The following ANKFN1 variants were observed in gnomAD, a reference collection of about 807,000 sequenced individuals.
ANKFN1 encodes ankyrin repeat and fibronectin type III domain containing 1.
ANKFN1 carries 74 observed loss-of-function variants against 108.7 expected under a neutral mutation model. The observed-to-expected ratio is 0.68, with a 90% CI of 0.56 to 0.83. The LOEUF is 0.83. Among genes scored for constraint, ANKFN1 ranks in the 40% least tolerant of loss-of-function variants. The pLI is 0.00. For missense variants in ANKFN1, 1,505 were observed against 1,382.3 expected (o/e 1.09, Z -1.41); for synonymous variants, 547 against 516.2 (o/e 1.06, Z -0.81).
chr17:56,260,547 C>T (rs890410642), intron 3 of ANKFN1, among the ~76,000 whole-genome samples: 1 of 152,040 alleles, frequency 6.6e-6, no homozygotes, highest in Non-Finnish European at 1.5e-5. Flanking sequence ...TCATCCCAAC[C>T]AGCATTTTTG....
intron 4 of ANKFN1, among the ~76,000 whole-genome samples, chr17:56,327,963 A>G (rs1296633111): frequency 6.6e-6 from 1 of 152,196 alleles, no homozygotes; most frequent in Non-Finnish European, 1.5e-5. Flanking sequence ...CCCTCATCTA[A>G]GGGATCCAGA....
intron 8 of ANKFN1, among the ~76,000 whole-genome samples, chr17:56,387,729 G>C (rs549687616): frequency 1.3e-3 from 195 of 152,214 alleles, no homozygotes; most frequent in African/African-American, 4.5e-3. Flanking sequence ...TGAAAAACCT[G>C]CTTGATTTGT....
intron 2 of ANKFN1, among the ~76,000 whole-genome samples, chr17:56,214,748 C>T (rs979117152): frequency 1.3e-5 from 2 of 152,188 alleles, no homozygotes; most frequent in Non-Finnish European, 2.9e-5. Context: ...CTCATTCTCT[C>T]AGACCTCTGG....
chr17:56,109,562 A>G (rs996404978), intron 4 of ANKFN1, among the ~76,000 whole-genome samples: 1 of 152,222 alleles, frequency 6.6e-6, no homozygotes. Context: ...ATGCACTGCC[A>G]TAATCAGAAC....
chr17:56,279,767 A>G (rs2044023328), intron 3 of ANKFN1, among the ~76,000 whole-genome samples: 1 of 152,202 alleles, frequency 6.6e-6, no homozygotes, highest in African/African-American at 2.4e-5. Flanking sequence ...ATTATTGAAC[A>G]AAATATTCAT....
chr17:56,343,947 T>C (rs1301832435), intron 4 of ANKFN1, among the ~76,000 whole-genome samples: 1 of 152,014 alleles, frequency 6.6e-6, no homozygotes, highest in Non-Finnish European at 1.5e-5. Context: ...TATTATATTT[T>C]CTATTTGGCA....
At chr17:56,463,522 TA>T (rs2049980195) in intron 14 of ANKFN1, among the ~76,000 whole-genome samples, 1 of 152,166 alleles carries the variant, frequency 6.6e-6, no homozygotes, top group Non-Finnish European at 1.5e-5. Flanking sequence ...GAAAAAAAAT[TA>T]AGATGAGAAA....
intron 19 of ANKFN1, among the ~76,000 whole-genome samples, chr17:56,496,528 T>A (rs945038821): frequency 1.3e-5 from 2 of 152,132 alleles, no homozygotes; most frequent in African/African-American, 4.8e-5. Context: ...CTTCAGTTTC[T>A]GATGGCTGTT....
At position 56,100,172 on chromosome 17, in the gene ANKFN1, C is replaced by T. The variant is rs1373686593; in HGVS notation, c.288+53847C>T. 2.0e-5 allele frequency among the ~76,000 whole-genome samples: 3 copies of T among 152,198 alleles called. No individual in the cohort carries two copies. The East Asian group carries it at 5.8e-4, about 29-fold the overall frequency. On this transcript the variant is annotated intron_variant, in intron 4 of 12. Coordinates refer to the ANKFN1 transcript ENST00000635860. Reference sequence around the variant, plus strand: ...TGGCAGTGAAGGCAGGACCAGAAACCAGAAAGAACTTGTGCACTCTCAAGT... The same window carrying T: ...TGGCAGTGAAGGCAGGACCAGAAACTAGAAAGAACTTGTGCACTCTCAAGT...
chr17:56,105,194 G>A (rs551267937), intron 4 of ANKFN1, among the ~76,000 whole-genome samples: 2 of 152,248 alleles, frequency 1.3e-5, no homozygotes, highest in African/African-American at 4.8e-5. Flanking sequence ...ACTGAATGTG[G>A]AAACCCTCTC....
At chr17:56,493,662 G>A (rs2051109871) in intron 19 of ANKFN1, among the ~76,000 whole-genome samples, 1 of 152,040 alleles carries the variant, frequency 6.6e-6, no homozygotes. Flanking sequence ...TAAGTCACAG[G>A]CTCTCAAAAC....
chr17:56,414,424 A>G (rs2048181315), intron 8 of ANKFN1, among the ~76,000 whole-genome samples: 1 of 152,216 alleles, frequency 6.6e-6, no homozygotes, highest in Non-Finnish European at 1.5e-5. Flanking sequence ...TACTATAACC[A>G]GACAAAGACA....
chr17:56,190,273 C>A (rs963796491), intron 1 of ANKFN1, among the ~76,000 whole-genome samples: 3 of 135,028 alleles, frequency 2.2e-5, no homozygotes, highest in African/African-American at 8.6e-5. Flanking sequence ...TGTGTTTGCT[C>A]TTGCTTTTCT....
chr17:56,349,560 A>G (rs2046194066), intron 4 of ANKFN1, among the ~76,000 whole-genome samples: 2 of 152,122 alleles, frequency 1.3e-5, no homozygotes, highest in African/African-American at 4.8e-5. Flanking sequence ...TAAATATAAT[A>G]GACTCTCATA....
At position 56,510,777 on chromosome 17, in the gene ANKFN1, C is replaced by A; in HGVS notation, c.2949C>A (p.His983Gln). 5 of 1,536,182 alleles carry A rather than the reference C, an allele frequency of 3.3e-6. No individual in the cohort carries two copies. Among genetic ancestry groups the A allele is most frequent in the Non-Finnish European group, 4.4e-6 (5 of 1,146,918 alleles). ...LTLTGFTPKN[H>Q]AKTVSGGRPP... The stretch of plus-strand genomic sequence containing the variant: ...TCACGGGGTTCACACCCAAGAACCA[C>A]GCCAAGACTGTGTCCGGTGGGCGGC... The change falls in exon 21 of 21, where the codon CAC (histidine) becomes CAA (glutamine). Residue 983 changes from histidine to glutamine, a missense_variant. By Grantham distance (24) the His-to-Gln change is conservative. Coordinates refer to ENST00000682825, the MANE Select transcript of ANKFN1 (RefSeq NM_001370326.1).
rs554995075 is a variant in ANKFN1 at position 56,080,653 on chromosome 17, GT to G, written c.288+34330del. 4.3e-3 allele frequency among the ~76,000 whole-genome samples: 653 copies of G among 152,328 alleles called. 1 individual carries two copies. Among genetic ancestry groups the G allele is most frequent in the Middle Eastern group, 0.01 (3 of 294 alleles). ...CTACACCATCCCCACCCACCGCCAT[GT>G]TAACCATGTGGTAACTGAGGCCCAG... On this transcript the variant is annotated intron_variant, in intron 4 of 12. Transcript: ENST00000635860.
chr17:56,359,371 T>G (rs886373325), intron 6 of ANKFN1, among the ~76,000 whole-genome samples: 4 of 152,226 alleles, frequency 2.6e-5, no homozygotes, highest in Non-Finnish European at 5.9e-5. Flanking sequence ...TGGTTGTAGA[T>G]GTAGCCTAGT....
chr17:56,121,335 C>G (rs1171683767), intron 4 of ANKFN1, among the ~76,000 whole-genome samples: 1 of 151,964 alleles, frequency 6.6e-6, no homozygotes, highest in African/African-American at 2.4e-5. Flanking sequence ...GAATCAGCGC[C>G]TTAGTGTTAA....
intron 4 of ANKFN1, among the ~76,000 whole-genome samples, chr17:56,127,637 A>G (rs1907016290): frequency 6.6e-6 from 1 of 152,166 alleles, no homozygotes; most frequent in East Asian, 1.9e-4. Flanking sequence ...TCTATCAGAC[A>G]AAAAACACAG....
Sources: gnomAD v4.1 joint callset for allele counts (sites outside exome capture counted in the v4.1 genomes callset) on GRCh38, gnomAD v4.1.1 for gene constraint, MANE v1.5 for transcripts, NCBI Gene and HGNC (gene_info 2026-07-23, HGNC 2026-07-21) for gene names.